Variants in OSBPL5 observed in about 807,000 individuals in gnomAD.
OSBPL5 encodes the protein oxysterol-binding protein-related protein 5.
Under a neutral mutation model 111.2 loss-of-function variants are expected in OSBPL5, and 71 were observed. The observed-to-expected ratio is 0.64, with a 90% CI of 0.53 to 0.78. OSBPL5 has a LOEUF of 0.78. OSBPL5 is among the 30% of genes least tolerant of loss of function. The pLI is 0.00. For synonymous variants in OSBPL5, 549 were observed against 513.9 expected (o/e 1.07, Z -0.93); for missense variants, 1,210 against 1,189.3 (o/e 1.02, Z -0.26).
Position 3,092,724 on chromosome 11 carries a change from T to C in OSBPL5, c.2132+143A>G, listed in dbSNP as rs574957220. 1 of 1,308,880 alleles carries C rather than the reference T, an allele frequency of 7.6e-7. No homozygotes were observed. The highest frequency in any genetic ancestry group is 1.5e-5 in the South Asian group (1 of 65,312). 81.1% of individuals were successfully genotyped at this position (1,308,880 alleles called of 1,614,324 possible). ...TGCAGTAAGGACTGATGATGGGGGG[T>C]GTCACTATCTGACCCTCCCCCACCG... On this transcript the variant is annotated intron_variant, in intron 18 of 21. Transcript: ENST00000263650. This position sits in a 1 kb window ranked among gnomAD's most constrained non-coding sequence, Gnocchi z 5.4.
At position 3,113,801 on chromosome 11, in the gene OSBPL5, T is replaced by A. The variant is rs979013646; in HGVS notation, c.691+5746A>T. ...TGAGAAAGACTGTTATAGTCTTTGT[T>A]TCAGGTAAACTATAAACTAAGTTCC... On this transcript the variant is annotated intron_variant, in intron 7 of 21. Coordinates refer to ENST00000263650, the MANE Select transcript of OSBPL5 (RefSeq NM_020896.4). This position sits in a 1 kb window ranked among gnomAD's most constrained non-coding sequence, Gnocchi z 4.8. Among the ~76,000 whole-genome samples the A allele has an allele frequency of 6.6e-6, 1 of 152,212 alleles. No individual in the cohort carries two copies. The highest frequency in any genetic ancestry group is 1.5e-5 in the Non-Finnish European group (1 of 68,034).
At chr11:3,108,999 C>G (rs1332153288) in intron 7 of OSBPL5, among the ~76,000 whole-genome samples, 2 of 152,176 alleles carry the variant, frequency 1.3e-5, no homozygotes, top group Non-Finnish European at 2.9e-5. Flanking sequence ...AACTCCCGAC[C>G]TCAGGTGATC....
rs900988220 is a variant in OSBPL5, at chr11:3,140,713, G to C, written c.-21-11544C>G. 2.6e-5 allele frequency among the ~76,000 whole-genome samples: 4 copies of C among 152,168 alleles called. No individual in the cohort carries two copies. The highest frequency in any genetic ancestry group is 5.9e-5 in the Non-Finnish European group (4 of 68,020). The stretch of plus-strand genomic sequence containing the variant: ...GAGCCTTGTTTCCAAGACCAGAGAG[G>C]TCATAAGGTCACCTGCTGCCCACAC... On this transcript the variant is annotated intron_variant, in intron 1 of 21. Transcript: ENST00000263650. The surrounding 1 kb of genome is among the most constrained non-coding windows in gnomAD (Gnocchi z 4.5).
chr11:3,134,159 G>T (rs1378530412), intron 1 of OSBPL5, among the ~76,000 whole-genome samples: 1 of 152,180 alleles, frequency 6.6e-6, no homozygotes, highest in South Asian at 2.1e-4. Flanking sequence ...TTCCATTCCT[G>T]GGGGGCCTAA....
In OSBPL5 at chr11:3,093,021, T is replaced by C. The variant is rs756889259; in HGVS notation, c.1978A>G (p.Lys660Glu). 6.2e-6 allele frequency: 10 copies of C among 1,600,234 alleles called. No individual in the cohort carries two copies. Among genetic ancestry groups the C allele is most frequent in the Non-Finnish European group, 8.5e-6 (10 of 1,174,706 alleles). The part of the protein sequence containing the change: ...LWQHVTRAIS[K>E]GDQHRATQEK... ...TGTGTGGCCCTGTGCTGGTCGCCCT[T>C]GCTGATGGCCCTGGTGACGTGCTGC... Residue 660 changes from lysine to glutamate, a missense_variant, in exon 18 of 22, where the codon AAG becomes GAG. By Grantham distance (56) the Lys-to-Glu change is moderately conservative (BLOSUM62 1). Transcript: ENST00000263650.
intron 1 of OSBPL5, among the ~76,000 whole-genome samples, chr11:3,147,762 G>T (rs920529773): frequency 3.2e-4 from 48 of 152,332 alleles, no homozygotes; most frequent in African/African-American, 1.1e-3. Context: ...GGAAGGCCGG[G>T]CGTGGCCCTA....
At chr11:3,147,240 G>C (rs1846386926) in intron 1 of OSBPL5, among the ~76,000 whole-genome samples, 1 of 152,212 alleles carries the variant, frequency 6.6e-6, no homozygotes, top group African/African-American at 2.4e-5. Flanking sequence ...CCACCCAGGA[G>C]GATGCTGGCA....
At chr11:3,118,935 G>A (rs949175688) in intron 7 of OSBPL5, among the ~76,000 whole-genome samples, 1 of 151,966 alleles carries the variant, frequency 6.6e-6, no homozygotes, top group African/African-American at 2.4e-5. Flanking sequence ...ACTGGCATGT[G>A]GTTGGAGCTC....
Position 3,107,563 on chromosome 11 carries a change from G to A in OSBPL5, c.867-108C>T. On this transcript the variant is annotated intron_variant, in intron 8 of 21. Coordinates refer to ENST00000263650, the MANE Select transcript of OSBPL5 (RefSeq NM_020896.4). The surrounding 1 kb of genome is among the most constrained non-coding windows in gnomAD (Gnocchi z 6.1). ...CCGCACTTCACATACGTTCCTGCCTGTCGTCACCTCCACAACCCACATTTG... is the reference window on the plus strand; with the variant it reads ...CCGCACTTCACATACGTTCCTGCCTATCGTCACCTCCACAACCCACATTTG... The A allele has an allele frequency of 7.1e-7, 1 of 1,408,276 alleles. No individual in the cohort carries two copies. The allele number at this position is 1,408,276 out of a possible 1,614,324, so 87.2% of individuals were successfully genotyped here.
chr11:3,090,489 T>G, intron 20 of OSBPL5, 69 bp downstream of exon 20: 2 of 1,567,800 alleles, frequency 1.3e-6, no homozygotes, highest in East Asian at 4.5e-5. Flanking sequence ...TGGCCTCCCC[T>G]CCAGCCAGGT....
chr11:3,089,767 C>G (rs1009208304), intron 21 of OSBPL5, 79 bp downstream of exon 21: 14 of 1,395,300 alleles, frequency 1.0e-5, no homozygotes, highest in Non-Finnish European at 1.4e-5. Context: ...CCTGGCCTCC[C>G]CACCTCCCGC....
rs1025491560 is a variant in OSBPL5, at chr11:3,146,576, G to T, written c.-21-17407C>A. On this transcript the variant is annotated intron_variant, in intron 1 of 21. Coordinates refer to ENST00000263650, the MANE Select transcript of OSBPL5 (RefSeq NM_020896.4). This position sits in a 1 kb window ranked among gnomAD's most constrained non-coding sequence, Gnocchi z 7.8. The stretch of plus-strand genomic sequence containing the variant: ...GGACGAGGCACCCGGTGTCTTTCTG[G>T]CACCCGGTTTCCATCGCACCCGGTT... 2.6e-5 allele frequency: 4 copies of T among 152,190 alleles called. No homozygotes were observed. Among genetic ancestry groups the T allele is most frequent in the Non-Finnish European group, 5.9e-5 (4 of 68,082 alleles). The allele number at this position is 152,190 out of a possible 1,614,324, so 9.4% of individuals were successfully genotyped here. A position where few individuals can be genotyped will look rare whatever the true frequency, so the allele number is the denominator to read the frequency against.
chr11:3,133,576 G>A (rs893425130), intron 1 of OSBPL5, among the ~76,000 whole-genome samples: 11 of 152,168 alleles, frequency 7.2e-5, no homozygotes, highest in African/African-American at 2.7e-4. Context: ...GGGCTGGCCT[G>A]TCCCTGACAC....
intron 1 of OSBPL5, among the ~76,000 whole-genome samples, chr11:3,135,224 C>T (rs1035390004): frequency 6.6e-6 from 1 of 152,254 alleles, no homozygotes; most frequent in African/African-American, 2.4e-5. Flanking sequence ...TGGGCAGGGC[C>T]GTGCTTCCGC....
intron 7 of OSBPL5, among the ~76,000 whole-genome samples, chr11:3,108,239 C>T (rs1284048674): frequency 6.6e-6 from 1 of 152,152 alleles, no homozygotes; most frequent in African/African-American, 2.4e-5. Flanking sequence ...TGCAGAGGCA[C>T]CTGGGGATGC....
At chr11:3,131,615 C>CCACCCATT (rs1845786138) in intron 1 of OSBPL5, among the ~76,000 whole-genome samples, 1 of 90,564 alleles carries the variant, frequency 1.1e-5, no homozygotes, top group Non-Finnish European at 2.6e-5. Context: ...ACCCATTCAT[C>CCACCCATT]CATCTGTCTA....
Position 3,123,603 on chromosome 11 carries a change from G to A in OSBPL5, c.220-1175C>T, listed in dbSNP as rs951122983. 3.3e-5 allele frequency among the ~76,000 whole-genome samples: 5 copies of A among 152,320 alleles called. No individual in the cohort carries two copies. In the East Asian group the frequency reaches 5.8e-4, roughly 18 times the overall value. On this transcript the variant is annotated intron_variant, in intron 3 of 21. Transcript: ENST00000263650. ...TGCCCTGCTCTGGCTGGGCGTCTGC[G>A]GGTGCTCAGCACTTTCCAGCGGAGC...
At chr11:3,127,859 A>G (rs1469733652) in intron 2 of OSBPL5, among the ~76,000 whole-genome samples, 4 of 151,966 alleles carry the variant, frequency 2.6e-5, no homozygotes, top group Admixed American at 2.6e-4. Flanking sequence ...TTGGCCTGGG[A>G]CCTACCGCCT....
rs993129022 is a variant in OSBPL5 at position 3,141,284 on chromosome 11, C to A, written c.-21-12115G>T. Among the ~76,000 whole-genome samples, 4 of 152,246 alleles carry A rather than the reference C, an allele frequency of 2.6e-5. No individual in the cohort carries two copies. The East Asian group carries it at 7.8e-4, about 30-fold the overall frequency. ...TGGACAATGCACAGCGTCCTTTGAC[C>A]AAGCGCCTCCTGCTCACCCGGGAAC... On this transcript the variant is annotated intron_variant, in intron 1 of 21. Coordinates refer to ENST00000263650, the MANE Select transcript of OSBPL5 (RefSeq NM_020896.4). The surrounding 1 kb of genome is among the most constrained non-coding windows in gnomAD (Gnocchi z 6.5).
Sources: allele counts gnomAD v4.1 joint callset (sites outside exome capture counted in the v4.1 genomes callset), GRCh38; gene constraint gnomAD v4.1.1; non-coding constraint Gnocchi (gnomAD v3.1); transcripts MANE v1.5; gene names NCBI Gene and HGNC (gene_info 2026-07-23, HGNC 2026-07-21).